Variants in GDPD1 observed in about 807,000 individuals in gnomAD.
GDPD1 encodes glycerophosphodiester phosphodiesterase domain containing 1, also known as lysophospholipase D GDPD1.
GDPD1 carries 28 observed loss-of-function variants against 45.1 expected under a neutral mutation model. That is an observed-to-expected ratio of 0.62 (90% CI 0.46 to 0.85). GDPD1 has a LOEUF of 0.85. Among genes scored for constraint, GDPD1 ranks in the 40% least tolerant of loss-of-function variants. GDPD1 has a pLI of 0.00. For missense variants in GDPD1, 256 were observed against 364.8 expected (o/e 0.70, Z 2.43); for synonymous variants, 139 against 131.4 (o/e 1.06, Z -0.40).
chr17:59,273,912 G>T lies in GDPD1; in HGVS notation c.*139G>T, dbSNP rs1005149606. ...TTACCTCATTTTTAAGCCTGTATGAGAATGTAGAAACTATATATTATATGT... is the reference window on the plus strand; with the variant it reads ...TTACCTCATTTTTAAGCCTGTATGATAATGTAGAAACTATATATTATATGT... On this transcript the variant is annotated 3_prime_UTR_variant, in exon 10 of 10. Transcript: ENST00000284116. 22 of 1,038,320 alleles carry T rather than the reference G, an allele frequency of 2.1e-5. No individual in the cohort carries two copies. Among genetic ancestry groups the T allele is most frequent in the Non-Finnish European group, 2.5e-5 (21 of 830,670 alleles). 64.3% of individuals were successfully genotyped at this position (1,038,320 alleles called of 1,614,324 possible).
intron 1 of GDPD1, 65 bp from the exon 2 acceptor site, chr17:59,234,427 A>T: frequency 1.0e-6 from 1 of 980,030 alleles, no homozygotes; most frequent in Non-Finnish European, 1.6e-6. Flanking sequence ...GGTGTATTTT[A>T]TTAAAATTAA....
intron 2 of GDPD1, among the ~76,000 whole-genome samples, chr17:59,235,667 AT>A (rs2047125956): frequency 6.6e-6 from 1 of 152,088 alleles, no homozygotes. Context: ...AAATACAAAA[AT>A]TAGCTGGGCG....
In GDPD1 at chr17:59,273,565, C is replaced by A. The variant is rs2047459105; in HGVS notation, c.823-86C>A. On this transcript the variant is annotated intron_variant, in intron 9 of 9. Transcript: ENST00000284116. Reference sequence around the variant, plus strand: ...TTTAAAAGGTTATTTCTAAATGTACCAAGACTGTAGTGGATAAATACTGTT... The same window carrying A: ...TTTAAAAGGTTATTTCTAAATGTACAAAGACTGTAGTGGATAAATACTGTT... The A allele has an allele frequency of 1.1e-5, 7 of 617,198 alleles. No homozygotes were observed. In the South Asian group the frequency reaches 2.3e-4, roughly 20 times the overall value. 38.2% of individuals were successfully genotyped at this position (617,198 alleles called of 1,614,324 possible). A position where few individuals can be genotyped will look rare whatever the true frequency, so the allele number is the denominator to read the frequency against.
At chr17:59,239,088 C>A (rs913570254) in intron 2 of GDPD1, among the ~76,000 whole-genome samples, 1 of 152,162 alleles carries the variant, frequency 6.6e-6, no homozygotes, top group African/African-American at 2.4e-5. Context: ...GAGAAAGAAG[C>A]AAATTGTATT....
intron 1 of GDPD1, among the ~76,000 whole-genome samples, chr17:59,229,407 T>A (rs2147875103): frequency 6.6e-6 from 1 of 151,696 alleles, no homozygotes; most frequent in East Asian, 1.9e-4. Flanking sequence ...GTATTTTTAG[T>A]AGAGATGGGG....
At chr17:59,265,180 T>C (rs1372274690) in intron 6 of GDPD1, among the ~76,000 whole-genome samples, 2 of 152,096 alleles carry the variant, frequency 1.3e-5, no homozygotes, top group African/African-American at 4.8e-5. Flanking sequence ...TTATGTGATT[T>C]TTAAAAATAT....
At position 59,254,375 on chromosome 17, in the gene GDPD1, A is replaced by AAG. The variant is rs1555724004; in HGVS notation, c.368-2746_368-2745insGA. On this transcript the variant is annotated intron_variant, in intron 4 of 9. Coordinates refer to ENST00000284116, the MANE Select transcript of GDPD1 (RefSeq NM_182569.4). Reference sequence around the variant, plus strand: ...GACTCCGTCTCAAAAAAAAAAAAAAAAAAAGAAAAGCCAAGCGTGGTGGCA... The same window carrying AAG: ...GACTCCGTCTCAAAAAAAAAAAAAAAAGAAAAGAAAAGCCAAGCGTGGTGGCA... Among the ~76,000 whole-genome samples the AAG allele has an allele frequency of 4.8e-4, 71 of 148,156 alleles. 1 individual carries two copies. The highest frequency in any genetic ancestry group is 6.5e-4 in the African/African-American group (26 of 39,916).
chr17:59,244,200 G>T (rs1000417684), intron 2 of GDPD1, among the ~76,000 whole-genome samples: 25 of 152,156 alleles, frequency 1.6e-4, no homozygotes, highest in Non-Finnish European at 3.1e-4. Flanking sequence ...ATACTCCGGG[G>T]TCTTGCGTCC....
intron 1 of GDPD1, among the ~76,000 whole-genome samples, chr17:59,223,383 A>G (rs557901868): frequency 3.9e-5 from 6 of 152,292 alleles, no homozygotes; most frequent in Admixed American, 2.0e-4. Context: ...GCTTTTGTTG[A>G]ATATGTACAC....
At chr17:59,223,794 C>G (rs1361204813) in intron 1 of GDPD1, among the ~76,000 whole-genome samples, 1 of 152,124 alleles carries the variant, frequency 6.6e-6, no homozygotes, top group African/African-American at 2.4e-5. Flanking sequence ...GTCTGTAATC[C>G]CAGCTATTCA....
At chr17:59,257,070 A>G in intron 4 of GDPD1, 52 bp from the exon 5 acceptor site, 1 of 945,250 alleles carries the variant, frequency 1.1e-6, no homozygotes, top group Non-Finnish European at 1.6e-6. Context: ...TCTAGTCATC[A>G]AAAAGTAAAA....
intron 4 of GDPD1, among the ~76,000 whole-genome samples, chr17:59,254,457 G>C (rs2047281145): frequency 6.6e-6 from 1 of 152,034 alleles, no homozygotes; most frequent in South Asian, 2.1e-4. Context: ...TGGAGCTGAG[G>C]AGTTCAAGGC....
intron 4 of GDPD1, among the ~76,000 whole-genome samples, chr17:59,253,821 A>C (rs1475317158): frequency 1.3e-5 from 2 of 152,074 alleles, no homozygotes; most frequent in African/African-American, 4.8e-5. Flanking sequence ...ATGGGCTATT[A>C]TGATCATATG....
chr17:59,275,171 C>G lies in GDPD1; in HGVS notation c.*1398C>G. 1 of 1,537,224 alleles carries G rather than the reference C, an allele frequency of 6.5e-7. No individual in the cohort carries two copies. The highest frequency in any genetic ancestry group is 8.7e-7 in the Non-Finnish European group (1 of 1,146,798). On this transcript the variant is annotated 3_prime_UTR_variant, in exon 10 of 10. Transcript: ENST00000284116. ...AAAGAAATTTTGAAGGCCATTGCAG[C>G]TATTTGGTAGTGTCTTGTTATTTCT...
intron 3 of GDPD1, 106 bp from the exon 4 acceptor site, chr17:59,248,634 A>T: frequency 3.9e-6 from 3 of 764,596 alleles, no homozygotes; most frequent in Non-Finnish European, 6.5e-6. Context: ...AAAGTGTTTT[A>T]GTCTTCTGTA....
rs200841211 is a variant in GDPD1 at position 59,257,770 on chromosome 17, G to A, written c.506G>A (p.Arg169Gln). 175 of 1,602,740 alleles carry A rather than the reference G, an allele frequency of 1.1e-4. 1 individual carries two copies. In the East Asian group the frequency reaches 3.2e-3, roughly 29 times the overall value. The part of the protein sequence containing the change: ...LIKKVSELVK[R>Q]YNREHLTVWG... ...ACGTAGGTTTCAGAGTTGGTGAAGC[G>A]GTATAATCGAGAACACTTAACAGTG... The change falls in exon 6 of 10, where the codon CGG (arginine) becomes CAG (glutamine). Residue 169 changes from arginine (R) to glutamine (Q), a missense_variant. Arg to Gln is a conservative substitution (Grantham distance 43). Transcript: ENST00000284116.
chr17:59,248,794 TTTTG>T lies in GDPD1; in HGVS notation c.367+15_367+18del. On this transcript the variant is annotated intron_variant, in intron 4 of 9. Coordinates refer to ENST00000284116, the MANE Select transcript of GDPD1 (RefSeq NM_182569.4). ...TGTCTCATTTCAAAGAGGTAATATT[TTTTG>T]TTTGTGGCTTAAACATTTGTGTTGA... 1 of 1,595,138 alleles carries T rather than the reference TTTTG, an allele frequency of 6.3e-7. No individual in the cohort carries two copies. Among genetic ancestry groups the T allele is most frequent in the East Asian group, 2.3e-5 (1 of 44,346 alleles).
intron 4 of GDPD1, among the ~76,000 whole-genome samples, chr17:59,255,758 A>ATATAT: frequency 1.3e-5 from 1 of 76,588 alleles, no homozygotes; most frequent in African/African-American, 9.1e-5. Flanking sequence ...AAAAAAAAAA[A>ATATAT]AAAAATATAT....
intron 1 of GDPD1, among the ~76,000 whole-genome samples, chr17:59,231,929 G>C (rs974098163): frequency 6.6e-6 from 1 of 152,172 alleles, no homozygotes; most frequent in African/African-American, 2.4e-5. Flanking sequence ...TGCCCTGCCA[G>C]AAAGTTTTCA....
Sources: gnomAD v4.1 joint callset for allele counts (sites outside exome capture counted in the v4.1 genomes callset) on GRCh38, gnomAD v4.1.1 for gene constraint, MANE v1.5 for transcripts, NCBI Gene and HGNC (gene_info 2026-07-23, HGNC 2026-07-21) for gene names.